USP18: variants seen among roughly 807,000 people sequenced by gnomAD.
USP18 encodes ubiquitin specific peptidase 18.
A neutral mutation model predicts 48.7 loss-of-function variants in USP18; 11 were observed. The ratio of observed to expected loss-of-function variants is 0.23; its 90% CI spans 0.14 to 0.37. The LOEUF (loss-of-function observed/expected upper bound fraction) is 0.37, where lower values mean the gene tolerates loss of function less well. USP18 is among the 10% of genes least tolerant of loss of function. The probability of loss-of-function intolerance (pLI) is 1.00; values close to 1 mark genes in which losing one functional copy is unlikely to be tolerated. For synonymous variants in USP18, 114 were observed against 163.2 expected (o/e 0.70, Z 2.30); for missense variants, 285 against 436.4 (o/e 0.65, Z 3.09).
intron 8 of USP18, among the ~76,000 whole-genome samples, chr22:18,171,684 A>G (rs1244450896): frequency 1.3e-5 from 2 of 151,910 alleles, no homozygotes; most frequent in African/African-American, 2.4e-5. Context: ...CTTTTTTTCC[A>G]TAGATTTGAA....
At chr22:18,166,484 T>TGA (rs199546107) in intron 4 of USP18, among the ~76,000 whole-genome samples, 3,249 of 152,204 alleles carry the variant, frequency 0.021, 54 homozygotes, top group Admixed American at 0.035. Flanking sequence ...CATGCTTTTC[T>TGA]GTTTCATTGT....
At position 18,170,606 on chromosome 22, in the gene USP18, T is replaced by A. The variant is rs1248537345; in HGVS notation, c.724-147T>A. ...AGTTTTGCATTATTCTCAGAGGAGCTCAGCAGATTCGGCGAACAGGAGCCT... is the reference window on the plus strand; with the variant it reads ...AGTTTTGCATTATTCTCAGAGGAGCACAGCAGATTCGGCGAACAGGAGCCT... On this transcript the variant is annotated intron_variant, in intron 7 of 10. Coordinates refer to ENST00000215794, the MANE Select transcript of USP18 (RefSeq NM_017414.4). The A allele has an allele frequency of 5.5e-6, 6 of 1,096,042 alleles. 1 individual carries two copies. Among genetic ancestry groups the A allele is most frequent in the Non-Finnish European group, 7.6e-6 (6 of 793,322 alleles). The allele number at this position is 1,096,042 out of a possible 1,614,324, so 67.9% of individuals were successfully genotyped here. A position where few individuals can be genotyped will look rare whatever the true frequency, so the allele number is the denominator to read the frequency against.
chr22:18,168,395 TCCC>T (rs147651861), intron 6 of USP18, among the ~76,000 whole-genome samples: 20 of 143,018 alleles, frequency 1.4e-4, no homozygotes, highest in South Asian at 4.5e-4. Context: ...TGCAATAACC[TCCC>T]CCCCCCCTTT....
intron 4 of USP18, among the ~76,000 whole-genome samples, chr22:18,164,013 G>A (rs535057422): frequency 2.0e-5 from 3 of 152,354 alleles, no homozygotes; most frequent in African/African-American, 7.2e-5. Flanking sequence ...GCAAGTGCCT[G>A]CACTCATATT....
chr22:18,152,540 C>T (rs1929026688), intron 1 of USP18, among the ~76,000 whole-genome samples: 1 of 150,712 alleles, frequency 6.6e-6, no homozygotes, highest in South Asian at 2.1e-4. Flanking sequence ...TTGTTTGAGA[C>T]AGAGTCTCAA....
Position 18,157,704 on chromosome 22 carries a change from C to G in USP18, c.41C>G (p.Ser14Cys). The G allele has an allele frequency of 3.7e-6, 6 of 1,614,048 alleles. No homozygotes were observed. In the South Asian group the frequency reaches 6.6e-5, roughly 18 times the overall value. Residue 14 changes from serine to cysteine, a missense_variant, in exon 2 of 11, where the codon TCC becomes TGC. Physicochemically the swap from Ser to Cys is moderately radical, Grantham distance 112. Around this residue, in one of 5 missense-constraint regions of USP18, gnomAD observed 199 missense variants for 239.6 expected, o/e 0.83. Transcript: ENST00000215794. ...GGGCTCCTGAGGCAAATCTGTCAGT[C>G]CATCCTGGCTGAGTCCTCGCAGTCC... Reference protein sequence around the residue: ...AFGLLRQICQSILAESSQSPA... With the variant: ...AFGLLRQICQCILAESSQSPA...
chr22:18,174,688 A>G (rs893397535), intron 10 of USP18, among the ~76,000 whole-genome samples: 27 of 152,090 alleles, frequency 1.8e-4, no homozygotes, highest in African/African-American at 6.3e-4. Context: ...TCCTGGGCAC[A>G]GGTGATCCTC....
At chr22:18,152,747 G>A (rs1929031477) in intron 1 of USP18, among the ~76,000 whole-genome samples, 1 of 151,914 alleles carries the variant, frequency 6.6e-6, no homozygotes, top group African/African-American at 2.4e-5. Flanking sequence ...TCCTTTCCTT[G>A]CTGCCCCGCC....
At chr22:18,159,611 C>T (rs1321308900) in intron 2 of USP18, among the ~76,000 whole-genome samples, 1 of 151,266 alleles carries the variant, frequency 6.6e-6, no homozygotes, top group African/African-American at 2.4e-5. Flanking sequence ...AATTCTCCTG[C>T]CTCAGCCTCC....
intron 2 of USP18, among the ~76,000 whole-genome samples, chr22:18,158,461 A>G (rs1029469391): frequency 3.9e-5 from 6 of 152,122 alleles, no homozygotes; most frequent in Non-Finnish European, 8.8e-5. Flanking sequence ...TCTGGAAGCA[A>G]TGTGCTCCTG....
At position 18,161,829 on chromosome 22, in the gene USP18, C is replaced by T. The variant is rs749385787; in HGVS notation, c.294C>T (p.Ser98=). Residue 98 remains serine (S), a synonymous_variant, in exon 4 of 11, where the codon AGC becomes AGT. Transcript: ENST00000215794. ...VPRGADEQRR[S]VPFQMLLLLE... is the part of the protein sequence containing the mutation. ...GGGGAGCTGACGAGCAGAGGAGAAG[C>T]GTCCCTTTCCAGATGCTTCTGCTGC... is the stretch of plus-strand genomic sequence containing the variant. 34 of 1,611,590 alleles carry T rather than the reference C, an allele frequency of 2.1e-5. No individual in the cohort carries two copies. Among genetic ancestry groups the T allele is most frequent in the Non-Finnish European group, 2.8e-5 (33 of 1,179,330 alleles).
chr22:18,159,966 C>T (rs372239691), intron 2 of USP18, among the ~76,000 whole-genome samples: 17 of 152,096 alleles, frequency 1.1e-4, no homozygotes, highest in South Asian at 1.0e-3. Flanking sequence ...CGTGAGCCAC[C>T]GCACCCGGCT....
chr22:18,156,332 G>C (rs931168599), intron 1 of USP18, among the ~76,000 whole-genome samples: 7 of 152,224 alleles, frequency 4.6e-5, no homozygotes, highest in African/African-American at 1.4e-4. Flanking sequence ...GAGAATAAAA[G>C]CAGGCTGCCC....
intron 4 of USP18, 39 bp downstream of exon 4, chr22:18,161,974 A>G: frequency 2.5e-6 from 4 of 1,580,872 alleles, no homozygotes; most frequent in Non-Finnish European, 3.4e-6. Flanking sequence ...CTGCTGATCC[A>G]AAGGGGATGG....
chr22:18,174,194 C>G (rs573727457), intron 10 of USP18, among the ~76,000 whole-genome samples: 108 of 151,838 alleles, frequency 7.1e-4, no homozygotes, highest in Non-Finnish European at 1.3e-3. Context: ...CACCCAGATT[C>G]GTAGGGGCTT....
At chr22:18,171,588 A>G (rs1929625849) in intron 8 of USP18, among the ~76,000 whole-genome samples, 1 of 151,948 alleles carries the variant, frequency 6.6e-6, no homozygotes, top group African/African-American at 2.4e-5. Context: ...GCTATGATCT[A>G]TCATTGTACT....
At chr22:18,162,977 C>T (rs1382316094) in intron 4 of USP18, among the ~76,000 whole-genome samples, 1 of 151,148 alleles carries the variant, frequency 6.6e-6, no homozygotes, top group East Asian at 2.0e-4. Flanking sequence ...CATTCTTTTT[C>T]ATTTTTGCTC....
chr22:18,164,751 G>A (rs1929430351), intron 4 of USP18, among the ~76,000 whole-genome samples: 1 of 152,194 alleles, frequency 6.6e-6, no homozygotes, highest in African/African-American at 2.4e-5. Flanking sequence ...TTTGCCCTCT[G>A]TGGTCGCAGA....
In USP18 at chr22:18,165,057, A is replaced by T. The variant is rs1342212064; in HGVS notation, c.401-2198A>T. Among the ~76,000 whole-genome samples, 7 of 144,534 alleles carry T rather than the reference A, an allele frequency of 4.8e-5. 1 individual carries two copies. Among genetic ancestry groups the T allele is most frequent in the Admixed American group, 7.0e-5 (1 of 14,330 alleles). 94.8% of individuals were successfully genotyped at this position (144,534 alleles called of 152,430 possible). A position where few individuals can be genotyped will look rare whatever the true frequency, so the allele number is the denominator to read the frequency against. ...TCTGGGTTTCTTTCAGAGGGAGTTGATCTGTGTGTAGATGAGAGTTTTACC... is the reference window on the plus strand; with the variant it reads ...TCTGGGTTTCTTTCAGAGGGAGTTGTTCTGTGTGTAGATGAGAGTTTTACC... On this transcript the variant is annotated intron_variant, in intron 4 of 10. Transcript: ENST00000215794.
Sources: allele counts gnomAD v4.1 joint callset (sites outside exome capture counted in the v4.1 genomes callset), GRCh38; gene constraint gnomAD v4.1.1; regional missense constraint gnomAD v4.1.1; transcripts MANE v1.5; gene names NCBI Gene and HGNC (gene_info 2026-07-23, HGNC 2026-07-21).